Variants in RAB21 observed in about 807,000 individuals in gnomAD.
The protein encoded by RAB21 is ras-related protein Rab-21.
Under a neutral mutation model 33.1 loss-of-function variants are expected in RAB21, and 13 were observed. That is an observed-to-expected ratio of 0.39 (90% CI 0.26 to 0.62). The LOEUF (loss-of-function observed/expected upper bound fraction) is 0.62, where lower values mean the gene tolerates loss of function less well. Ranked by LOEUF, RAB21 falls within the 20% of genes least tolerant of loss-of-function variation. RAB21 has a pLI of 0.48. For missense variants in RAB21, 234 were observed against 279.1 expected (o/e 0.84, Z 1.15); for synonymous variants, 91 against 103.7 (o/e 0.88, Z 0.74).
rs1882761417 is a variant in RAB21 at position 71,755,126 on chromosome 12, C to T, written c.-4C>T. On this transcript the variant is annotated 5_prime_UTR_variant, in exon 1 of 7. The change creates a new upstream start codon in the 5' untranslated region. Transcript: ENST00000261263. ...TCGGGCTCGGGCGGCCGGGAAGCGA[C>T]GGGATGGCTGCGGCCGGCGGCGGCG... is the stretch of plus-strand genomic sequence containing the variant. 8.3e-6 allele frequency: 10 copies of T among 1,207,896 alleles called. No individual in the cohort carries two copies. The highest frequency in any genetic ancestry group is 1.0e-5 in the Non-Finnish European group (10 of 973,846). The allele number at this position is 1,207,896 out of a possible 1,614,324, so 74.8% of individuals were successfully genotyped here.
Position 71,791,349 on chromosome 12 carries a change from G to GC in RAB21, c.*5677dup, listed in dbSNP as rs1451131289. 6.6e-6 allele frequency: 1 copy of GC among 152,214 alleles called. No homozygotes were observed. Among genetic ancestry groups the GC allele is most frequent in the Non-Finnish European group, 1.5e-5 (1 of 68,046 alleles). 9.4% of individuals were successfully genotyped at this position (152,214 alleles called of 1,614,324 possible). On this transcript the variant is annotated 3_prime_UTR_variant, in exon 7 of 7. Transcript: ENST00000261263. Reference sequence around the variant, plus strand: ...TAGACAGAATCAGGGTCTGCTTTAAGCATGTGAATCAGGAAACTAGAAGGC... The same window carrying GC: ...TAGACAGAATCAGGGTCTGCTTTAAGCCATGTGAATCAGGAAACTAGAAGGC...
At chr12:71,762,924 A>G (rs1297567824) in intron 1 of RAB21, among the ~76,000 whole-genome samples, 1 of 152,088 alleles carries the variant, frequency 6.6e-6, no homozygotes, top group Non-Finnish European at 1.5e-5. Context: ...CTTGCTAGAG[A>G]GGGCTAATTT....
rs879512381 is a variant in RAB21 at position 71,791,090 on chromosome 12, C to T, written c.*5417C>T. 6.6e-6 allele frequency: 1 copy of T among 152,206 alleles called. No individual in the cohort carries two copies. Among genetic ancestry groups the T allele is most frequent in the South Asian group, 2.1e-4 (1 of 4,824 alleles). The allele number at this position is 152,206 out of a possible 1,614,324, so 9.4% of individuals were successfully genotyped here. On this transcript the variant is annotated 3_prime_UTR_variant, in exon 7 of 7. Transcript: ENST00000261263. ...CTTGAACTCATGGACTCAAGCAATCCTCTTGCCTCAGCCTTCTGAGTAGCT... is the reference window on the plus strand; with the variant it reads ...CTTGAACTCATGGACTCAAGCAATCTTCTTGCCTCAGCCTTCTGAGTAGCT...
At chr12:71,766,554 G>A (rs543475127) in intron 1 of RAB21, among the ~76,000 whole-genome samples, 1 of 152,146 alleles carries the variant, frequency 6.6e-6, no homozygotes, top group South Asian at 2.1e-4. Context: ...CTGTAGAAAC[G>A]TTAAATAAAA....
chr12:71,790,936 G>A lies in RAB21; in HGVS notation c.*5263G>A, dbSNP rs1039395141. ...CCTCTGACTCCATGAAACCTGAAAA[G>A]GAATCTGGTCTGTTAGGTGGATTTC... On this transcript the variant is annotated 3_prime_UTR_variant, in exon 7 of 7. Coordinates refer to ENST00000261263, the MANE Select transcript of RAB21 (RefSeq NM_014999.4). The A allele has an allele frequency of 1.3e-5, 2 of 151,324 alleles. No homozygotes were observed. Among genetic ancestry groups the A allele is most frequent in the South Asian group, 4.2e-4 (2 of 4,790 alleles). The allele number at this position is 151,324 out of a possible 1,614,324, so 9.4% of individuals were successfully genotyped here.
rs1370146296 is a variant in RAB21 at position 71,791,457 on chromosome 12, G to A, written c.*5784G>A. 2.0e-5 allele frequency: 3 copies of A among 152,190 alleles called. No homozygotes were observed. Among genetic ancestry groups the A allele is most frequent in the African/African-American group, 4.8e-5 (2 of 41,448 alleles). 9.4% of individuals were successfully genotyped at this position (152,190 alleles called of 1,614,324 possible). On this transcript the variant is annotated 3_prime_UTR_variant, in exon 7 of 7. Coordinates refer to ENST00000261263, the MANE Select transcript of RAB21 (RefSeq NM_014999.4). ...TAAAATCTAGGAGTTAACTTTAGCAGATTCTTTTATCAGAATACGTTTTTT... is the reference window on the plus strand; with the variant it reads ...TAAAATCTAGGAGTTAACTTTAGCAAATTCTTTTATCAGAATACGTTTTTT...
chr12:71,759,428 G>A lies in RAB21; in HGVS notation c.159+4140G>A, dbSNP rs115339126. ...GCAAAGCTCTGCAGCAAGTTTTACT[G>A]TAGTCCAGTGATACATGACCAGAAG... On this transcript the variant is annotated intron_variant, in intron 1 of 6. Coordinates refer to ENST00000261263, the MANE Select transcript of RAB21 (RefSeq NM_014999.4). Among the ~76,000 whole-genome samples the A allele has an allele frequency of 5.2e-3, 793 of 152,368 alleles. 8 individuals carry two copies. The highest frequency in any genetic ancestry group is 0.018 in the African/African-American group (769 of 41,588).
chr12:71,756,036 G>C (rs902270115), intron 1 of RAB21, among the ~76,000 whole-genome samples: 2 of 152,174 alleles, frequency 1.3e-5, no homozygotes, highest in African/African-American at 4.8e-5. Flanking sequence ...CATTGATTGA[G>C]AGTGAAGCCA....
rs181978516 is a variant in RAB21, at chr12:71,797,877, A to G, written c.*12204A>G. ...AAGGTAGTAGGACACTTGGGTAGCT[A>G]TAGAGAACAAAGCTGGATTCATACC... On this transcript the variant is annotated 3_prime_UTR_variant, in exon 7 of 7. Coordinates refer to ENST00000261263, the MANE Select transcript of RAB21 (RefSeq NM_014999.4). The G allele has an allele frequency of 1.3e-5, 2 of 152,194 alleles. No individual in the cohort carries two copies. Among genetic ancestry groups the G allele is most frequent in the East Asian group, 1.9e-4 (1 of 5,158 alleles). 9.4% of individuals were successfully genotyped at this position (152,194 alleles called of 1,614,324 possible). A position where few individuals can be genotyped will look rare whatever the true frequency, so the allele number is the denominator to read the frequency against.
intron 1 of RAB21, among the ~76,000 whole-genome samples, chr12:71,758,690 G>A (rs763138830): frequency 6.6e-6 from 1 of 151,696 alleles, no homozygotes; most frequent in Non-Finnish European, 1.5e-5. Context: ...ATGTTGCCCA[G>A]GCTGTTGTAG....
intron 1 of RAB21, among the ~76,000 whole-genome samples, chr12:71,762,527 G>C (rs1415601998): frequency 1.3e-5 from 2 of 151,766 alleles, no homozygotes; most frequent in South Asian, 4.1e-4. Context: ...GGATGGTCTC[G>C]ATCTCCTGAC....
At chr12:71,785,384 T>C in intron 6 of RAB21, 147 bp from the exon 7 acceptor site, 1 of 890,478 alleles carries the variant, frequency 1.1e-6, no homozygotes, top group Non-Finnish European at 1.7e-6. Context: ...GTGAAGCTGT[T>C]TTAGTGAGCT....
In RAB21 at chr12:71,797,847, C is replaced by G. The variant is rs1187219683; in HGVS notation, c.*12174C>G. ...CTCAGTGGGGAAAATATGGTTTATTCATTAAAGGTAGTAGGACACTTGGGT... is the reference window on the plus strand; with the variant it reads ...CTCAGTGGGGAAAATATGGTTTATTGATTAAAGGTAGTAGGACACTTGGGT... On this transcript the variant is annotated 3_prime_UTR_variant, in exon 7 of 7. Transcript: ENST00000261263. 6.6e-6 allele frequency: 1 copy of G among 151,874 alleles called. No homozygotes were observed. Among genetic ancestry groups the G allele is most frequent in the Non-Finnish European group, 1.5e-5 (1 of 68,006 alleles). The allele number at this position is 151,874 out of a possible 1,614,324, so 9.4% of individuals were successfully genotyped here.
chr12:71,782,104 C>T lies in RAB21; in HGVS notation c.446+19C>T, dbSNP rs748868733. ...CAGAGTCGTAAGTACTGTGACCCTC[C>T]CATTCCCCATCACTCCCTAGTAGAA... On this transcript the variant is annotated intron_variant, in intron 5 of 6. Coordinates refer to ENST00000261263, the MANE Select transcript of RAB21 (RefSeq NM_014999.4). The T allele has an allele frequency of 1.3e-6, 2 of 1,592,046 alleles. No individual in the cohort carries two copies. The highest frequency in any genetic ancestry group is 1.3e-5 in the African/African-American group (1 of 74,352).
Position 71,796,763 on chromosome 12 carries a change from A to G in RAB21, c.*11090A>G, listed in dbSNP as rs1475230589. 6.6e-6 allele frequency: 1 copy of G among 151,248 alleles called. No homozygotes were observed. Among genetic ancestry groups the G allele is most frequent in the Non-Finnish European group, 1.5e-5 (1 of 67,950 alleles). The allele number at this position is 151,248 out of a possible 1,614,324, so 9.4% of individuals were successfully genotyped here. On this transcript the variant is annotated 3_prime_UTR_variant, in exon 7 of 7. Transcript: ENST00000261263. ...GACAATGTTGAGTATCATCAAGAAC[A>G]TTTAATCAAACCTGTTGACTAAGAG...
At position 71,782,047 on chromosome 12, in the gene RAB21, G is replaced by A. The variant is rs1433136557; in HGVS notation, c.408G>A (p.Leu136=). The stretch of plus-strand genomic sequence containing the variant: ...TCAAAATAGGTAATAAAATAGACTT[G>A]GAAAAGGAGAGACATGTTTCCATTC... ...CLCIVGNKID[L]EKERHVSIQE... Residue 136 remains leucine, a synonymous_variant, in exon 5 of 7, where the codon TTG becomes TTA. Coordinates refer to ENST00000261263, the MANE Select transcript of RAB21 (RefSeq NM_014999.4). The A allele has an allele frequency of 6.2e-7, 1 of 1,605,452 alleles. No homozygotes were observed. Among genetic ancestry groups the A allele is most frequent in the Non-Finnish European group, 8.5e-7 (1 of 1,172,770 alleles).
chr12:71,784,947 G>A (rs1322912044), intron 6 of RAB21, among the ~76,000 whole-genome samples: 2 of 151,492 alleles, frequency 1.3e-5, no homozygotes, highest in Non-Finnish European at 2.9e-5. Context: ...AAAAAACTCA[G>A]CCAGGCATGG....
intron 4 of RAB21, among the ~76,000 whole-genome samples, chr12:71,779,361 G>A (rs986306277): frequency 7.9e-5 from 12 of 152,318 alleles, no homozygotes; most frequent in South Asian, 2.1e-4. Flanking sequence ...GGCTGAGGCA[G>A]GAGAATCGCT....
intron 6 of RAB21, among the ~76,000 whole-genome samples, chr12:71,784,593 C>T (rs1883255927): frequency 1.3e-5 from 2 of 151,818 alleles, no homozygotes; most frequent in African/African-American, 4.8e-5. Flanking sequence ...ATTGAATAAC[C>T]TTGGCAACCA....
Sources: gnomAD v4.1 joint callset for allele counts (sites outside exome capture counted in the v4.1 genomes callset) on GRCh38, gnomAD v4.1.1 for gene constraint, MANE v1.5 for transcripts, NCBI Gene and HGNC (gene_info 2026-07-23, HGNC 2026-07-21) for gene names.